DCUN1D1: variants seen among roughly 807,000 people sequenced by gnomAD.
DCUN1D1 encodes DCN1-like protein 1.
In DCUN1D1, 3 loss-of-function variants were observed where a neutral mutation model predicts 39.0. That is an observed-to-expected ratio of 0.08 (90% CI 0.04 to 0.20). The LOEUF (loss-of-function observed/expected upper bound fraction) is 0.20. Among genes scored for constraint, DCUN1D1 ranks in the 10% least tolerant of loss-of-function variants. The pLI is 1.00. For missense variants in DCUN1D1, 158 were observed against 302.4 expected (o/e 0.52, Z 3.54); for synonymous variants, 82 against 96.3 (o/e 0.85, Z 0.87).
At position 182,938,452 on chromosome 3, in the gene DCUN1D1, TTTTA is replaced by T. The variant is rs1725989628; in HGVS notation, c.*6638_*6641del. The stretch of plus-strand genomic sequence containing the variant: ...GTTAAGTCTAACAACAGAATTGTGG[TTTTA>T]TTTAACAGTCCTTATCTTTTAGACA... On this transcript the variant is annotated 3_prime_UTR_variant, in exon 7 of 7. Transcript: ENST00000292782. The T allele has an allele frequency of 6.6e-6, 1 of 152,114 alleles. No individual in the cohort carries two copies. Among genetic ancestry groups the T allele is most frequent in the African/African-American group, 2.4e-5 (1 of 41,420 alleles). The allele number at this position is 152,114 out of a possible 1,614,324, so 9.4% of individuals were successfully genotyped here. A position where few individuals can be genotyped will look rare whatever the true frequency, so the allele number is the denominator to read the frequency against.
chr3:182,941,277 A>G lies in DCUN1D1; in HGVS notation c.*3817T>C, dbSNP rs1223716140. 1 of 152,138 alleles carries G rather than the reference A, an allele frequency of 6.6e-6. No homozygotes were observed. The highest frequency in any genetic ancestry group is 1.5e-5 in the Non-Finnish European group (1 of 67,980). 9.4% of individuals were successfully genotyped at this position (152,138 alleles called of 1,614,324 possible). The stretch of plus-strand genomic sequence containing the variant: ...AAACCTGGAAAAGGGCATTTGTACT[A>G]TTAGGAACTTTCTCATTTATCTTAA... On this transcript the variant is annotated 3_prime_UTR_variant, in exon 7 of 7. Transcript: ENST00000292782.
intron 4 of DCUN1D1, chr3:182,950,834 A>T (rs1372521330): frequency 6.6e-6 from 1 of 151,472 alleles, no homozygotes; most frequent in African/African-American, 2.4e-5. Context: ...GCGAAACCCC[A>T]TCTCTACTAA....
rs1378691823 is a variant in DCUN1D1, at chr3:182,947,274, T to C, written c.664A>G (p.Met222Val). Residue 222 changes from methionine to valine, a missense_variant, in exon 6 of 7, where the codon ATG becomes GTG. Met to Val is a conservative substitution (Grantham distance 21). Transcript: ENST00000292782. ...TAATTAGACATGTCATCTGCAATCATCGTACTGAAGTCTAAAAGAAGATTC... is the reference window on the plus strand; with the variant it reads ...TAATTAGACATGTCATCTGCAATCACCGTACTGAAGTCTAAAAGAAGATTC... Reference protein sequence around the residue: ...TWNLLLDFSTMIADDMSNYDE... With the variant: ...TWNLLLDFSTVIADDMSNYDE... 3 of 1,609,332 alleles carry C rather than the reference T, an allele frequency of 1.9e-6. No homozygotes were observed. Among genetic ancestry groups the C allele is most frequent in the Non-Finnish European group, 2.5e-6 (3 of 1,178,606 alleles).
chr3:182,980,775 C>T (rs1265982031), upstream of DCUN1D1: 24 of 160,206 alleles, frequency 1.5e-4, no homozygotes, highest in East Asian at 4.5e-3. Flanking sequence ...GCCCTCCGCG[C>T]GCCGACATCC....
At position 182,939,037 on chromosome 3, in the gene DCUN1D1, T is replaced by A. The variant is rs1726012038; in HGVS notation, c.*6057A>T. 2 of 152,304 alleles carry A rather than the reference T, an allele frequency of 1.3e-5. No individual in the cohort carries two copies. Among genetic ancestry groups the A allele is most frequent in the South Asian group, 2.1e-4 (1 of 4,822 alleles). 9.4% of individuals were successfully genotyped at this position (152,304 alleles called of 1,614,324 possible). On this transcript the variant is annotated 3_prime_UTR_variant, in exon 7 of 7. Coordinates refer to ENST00000292782, the MANE Select transcript of DCUN1D1 (RefSeq NM_020640.4). ...TATTACCCTCACTGACTACAGAAAATACTACCTCCAAGAGAGTACATGTCT... is the reference window on the plus strand; with the variant it reads ...TATTACCCTCACTGACTACAGAAAAAACTACCTCCAAGAGAGTACATGTCT...
upstream of DCUN1D1, among the ~76,000 whole-genome samples, chr3:182,984,321 A>G (rs1382295619): frequency 1.3e-5 from 2 of 152,240 alleles, no homozygotes; most frequent in Non-Finnish European, 2.9e-5. Flanking sequence ...TGAGATAAAC[A>G]TATTTGTTAA....
intron 4 of DCUN1D1, 67 bp from the exon 5 acceptor site, chr3:182,947,699 C>G: frequency 1.0e-6 from 1 of 973,104 alleles, no homozygotes; most frequent in Non-Finnish European, 1.6e-6. Flanking sequence ...AAATAACAAA[C>G]AAACAAAAAA....
intron 1 of DCUN1D1, among the ~76,000 whole-genome samples, chr3:182,977,076 T>C (rs1728273392): frequency 6.6e-6 from 1 of 152,252 alleles, no homozygotes; most frequent in Non-Finnish European, 1.5e-5. Flanking sequence ...TATTCATAAA[T>C]AACATGGGGT....
At chr3:182,948,336 A>G (rs1198711267) in intron 4 of DCUN1D1, among the ~76,000 whole-genome samples, 1 of 152,194 alleles carries the variant, frequency 6.6e-6, no homozygotes, top group Non-Finnish European at 1.5e-5. Flanking sequence ...AGACAATATA[A>G]ATGACTTTTT....
rs1332086494 is a variant in DCUN1D1, at chr3:182,944,532, A to G, written c.*562T>C. 1 of 152,394 alleles carries G rather than the reference A, an allele frequency of 6.6e-6. No individual in the cohort carries two copies. The highest frequency in any genetic ancestry group is 2.4e-5 in the African/African-American group (1 of 41,382). 9.4% of individuals were successfully genotyped at this position (152,394 alleles called of 1,614,324 possible). A position where few individuals can be genotyped will look rare whatever the true frequency, so the allele number is the denominator to read the frequency against. On this transcript the variant is annotated 3_prime_UTR_variant, in exon 7 of 7. Coordinates refer to ENST00000292782, the MANE Select transcript of DCUN1D1 (RefSeq NM_020640.4). ...GACATTGTTTTTTCATCAGATACTCACATCAACAACACATGTGATTTGCCA... is the reference window on the plus strand; with the variant it reads ...GACATTGTTTTTTCATCAGATACTCGCATCAACAACACATGTGATTTGCCA...
In DCUN1D1 at chr3:182,961,348, C is replaced by G; in HGVS notation, c.398G>C (p.Ser133Thr). 6.3e-7 allele frequency: 1 copy of G among 1,594,600 alleles called. No individual in the cohort carries two copies. Among genetic ancestry groups the G allele is most frequent in the Admixed American group, 1.8e-5 (1 of 55,472 alleles). ...TATCTGGGCCTTTAGTTTTTCTATGCTGTCACATCTGCGTCGTAAAATTAA... is the reference window on the plus strand; with the variant it reads ...TATCTGGGCCTTTAGTTTTTCTATGGTGTCACATCTGCGTCGTAAAATTAA... The part of the protein sequence containing the change: ...MDGMTELGCD[S>T]IEKLKAQIPK... The change falls in exon 4 of 7, where the codon AGC becomes ACC. Residue 133 changes from serine (S) to threonine (T), a missense_variant. Ser to Thr is a moderately conservative substitution (Grantham distance 58). Coordinates refer to ENST00000292782, the MANE Select transcript of DCUN1D1 (RefSeq NM_020640.4).
chr3:182,959,547 T>G (rs1727276858), intron 4 of DCUN1D1, among the ~76,000 whole-genome samples: 2 of 139,064 alleles, frequency 1.4e-5, no homozygotes, highest in Admixed American at 7.4e-5. Context: ...CTTCACTGGG[T>G]AAGTTACTTA....
chr3:182,973,679 C>T (rs371658565), intron 1 of DCUN1D1, among the ~76,000 whole-genome samples: 22 of 150,804 alleles, frequency 1.5e-4, no homozygotes, highest in Admixed American at 4.6e-4. Context: ...TGGTGGCGTG[C>T]GCCTGTAACC....
chr3:182,969,580 G>A (rs1727833772), intron 1 of DCUN1D1, among the ~76,000 whole-genome samples: 1 of 152,036 alleles, frequency 6.6e-6, no homozygotes, highest in Admixed American at 6.6e-5. Flanking sequence ...TTATTTAAAG[G>A]GAATAAACTA....
rs567309387 is a variant in DCUN1D1, at chr3:182,953,958, T to C, written c.521-6326A>G. 5.3e-5 allele frequency among the ~76,000 whole-genome samples: 8 copies of C among 152,272 alleles called. No individual in the cohort carries two copies. The East Asian group carries it at 5.8e-4, about 11-fold the overall frequency. ...TGATCAGCTGAATGCAGGATGAACA[T>C]GGAAATGAATTGAGACTAGACCCAA... On this transcript the variant is annotated intron_variant, in intron 4 of 6. Coordinates refer to ENST00000292782, the MANE Select transcript of DCUN1D1 (RefSeq NM_020640.4).
chr3:182,950,637 CAG>C (rs1726668004), intron 4 of DCUN1D1: 1 of 152,042 alleles, frequency 6.6e-6, no homozygotes, highest in South Asian at 2.1e-4. Flanking sequence ...AAATAGCACT[CAG>C]AGTCTTCTAC....
chr3:182,959,322 A>G (rs1308926181), intron 4 of DCUN1D1, among the ~76,000 whole-genome samples: 3 of 152,106 alleles, frequency 2.0e-5, no homozygotes, highest in Non-Finnish European at 4.4e-5. Context: ...TCGTGGGGCC[A>G]TACCACATTA....
At chr3:182,965,188 T>C (rs1301205277) in intron 2 of DCUN1D1, among the ~76,000 whole-genome samples, 1 of 152,214 alleles carries the variant, frequency 6.6e-6, no homozygotes, top group Non-Finnish European at 1.5e-5. Flanking sequence ...TATTATGCAG[T>C]TGAACTTTTT....
intron 4 of DCUN1D1, among the ~76,000 whole-genome samples, chr3:182,954,167 T>C (rs1285959588): frequency 6.6e-6 from 1 of 152,188 alleles, no homozygotes; most frequent in African/African-American, 2.4e-5. Context: ...CCAGTGCACA[T>C]TTTCAAATGG....
Sources: allele counts gnomAD v4.1 joint callset (sites outside exome capture counted in the v4.1 genomes callset), GRCh38; gene constraint gnomAD v4.1.1; transcripts MANE v1.5; gene names NCBI Gene and HGNC (gene_info 2026-07-23, HGNC 2026-07-21).